The following SLC4A10 variants were observed in gnomAD, a reference collection of about 807,000 sequenced individuals.
The protein encoded by SLC4A10 is solute carrier family 4 member 10, also known as sodium-driven chloride bicarbonate exchanger.
SLC4A10 carries 42 observed loss-of-function variants against 137.7 expected under a neutral mutation model. The observed-to-expected ratio is 0.30, with a 90% CI of 0.24 to 0.39. The LOEUF (loss-of-function observed/expected upper bound fraction) is 0.39, where lower values mean the gene tolerates loss of function less well. Among genes scored for constraint, SLC4A10 ranks in the 10% least tolerant of loss-of-function variants. SLC4A10 has a pLI of 1.00. For synonymous variants in SLC4A10, 474 were observed against 464.1 expected (o/e 1.02, Z -0.27); for missense variants, 925 against 1,355.0 (o/e 0.68, Z 4.98).
chr2:161,871,854 A>G (rs2061147910), intron 6 of SLC4A10, among the ~76,000 whole-genome samples: 1 of 152,112 alleles, frequency 6.6e-6, no homozygotes, highest in South Asian at 2.1e-4. Flanking sequence ...CTAAAAATAT[A>G]CTGTGTAATT....
intron 1 of SLC4A10, among the ~76,000 whole-genome samples, chr2:161,652,436 C>T (rs527953832): frequency 3.3e-5 from 5 of 152,302 alleles, no homozygotes; most frequent in Non-Finnish European, 5.9e-5. Flanking sequence ...TACACACACA[C>T]ACACATATGT....
intron 1 of SLC4A10, among the ~76,000 whole-genome samples, chr2:161,647,599 G>T (rs1047601145): frequency 1.3e-4 from 20 of 152,052 alleles, no homozygotes; most frequent in African/African-American, 4.6e-4. Context: ...AGAAAAAGAT[G>T]GAAGCACAAC....
chr2:161,673,732 G>A (rs1156365452), intron 1 of SLC4A10, among the ~76,000 whole-genome samples: 2 of 152,182 alleles, frequency 1.3e-5, no homozygotes, highest in Non-Finnish European at 2.9e-5. Context: ...GCTTTCACTT[G>A]TAGTTCCAGC....
At chr2:161,719,664 A>AT (rs1188330232) in intron 1 of SLC4A10, among the ~76,000 whole-genome samples, 1 of 152,106 alleles carries the variant, frequency 6.6e-6, no homozygotes. Context: ...GATGATGAGC[A>AT]TTTTTTTATG....
At chr2:161,625,066 CGTGTGTGTGTGTGT>C (rs5835872) in intron 1 of SLC4A10, among the ~76,000 whole-genome samples, 1,553 of 144,262 alleles carry the variant, frequency 0.011, 38 homozygotes, top group African/African-American at 0.034. Context: ...ACAGAAGGAT[CGTGTGTGTGTGTGT>C]GTGTGTGTGT....
chr2:161,809,149 A>G (rs2056304586), intron 3 of SLC4A10, among the ~76,000 whole-genome samples: 1 of 151,724 alleles, frequency 6.6e-6, no homozygotes, highest in Admixed American at 6.6e-5. Flanking sequence ...TTTGACTTGC[A>G]TTTCATTTGT....
rs752528225 is a variant in SLC4A10, at chr2:161,862,901, C to T, written c.605C>T (p.Ser202Leu). 6.2e-7 allele frequency: 1 copy of T among 1,608,476 alleles called. No individual in the cohort carries two copies. The highest frequency in any genetic ancestry group is 8.5e-7 in the Non-Finnish European group (1 of 1,177,074). Residue 202 changes from serine (S) to leucine (L), a missense_variant, in exon 6 of 27, where the codon TCA (serine) becomes TTA (leucine). By Grantham distance (145) the Ser-to-Leu change is moderately radical (BLOSUM62 -2). Coordinates refer to ENST00000446997, the MANE Select transcript of SLC4A10 (RefSeq NM_001178015.2). ...ATGGTTCTTGACCAACAAGTGAGCTCAGGTCAGCTGAATGAAGATGTACGC... is the reference window on the plus strand; with the variant it reads ...ATGGTTCTTGACCAACAAGTGAGCTTAGGTCAGCTGAATGAAGATGTACGC... ...ADMVLDQQVSSGQLNEDVRHR... is the reference protein window; with the variant it reads ...ADMVLDQQVSLGQLNEDVRHR...
chr2:161,678,867 C>T (rs555925655), intron 1 of SLC4A10, among the ~76,000 whole-genome samples: 24 of 152,142 alleles, frequency 1.6e-4, no homozygotes, highest in Admixed American at 9.8e-4. Flanking sequence ...ATTTTACTAT[C>T]GAAGGACATT....
chr2:161,831,250 T>C (rs2058417897), intron 3 of SLC4A10, among the ~76,000 whole-genome samples: 1 of 152,202 alleles, frequency 6.6e-6, no homozygotes, highest in African/African-American at 2.4e-5. Context: ...TACTCTCAAT[T>C]ATGACTTAGT....
chr2:161,891,201 G>A (rs935561063), intron 10 of SLC4A10, among the ~76,000 whole-genome samples: 27 of 152,204 alleles, frequency 1.8e-4, no homozygotes, highest in African/African-American at 6.5e-4. Flanking sequence ...TAGGTAACCC[G>A]ACCTTTCTTT....
At chr2:161,692,389 G>T (rs1029618271) in intron 1 of SLC4A10, among the ~76,000 whole-genome samples, 1 of 152,032 alleles carries the variant, frequency 6.6e-6, no homozygotes, top group East Asian at 1.9e-4. Context: ...TTTATTGTGA[G>T]AATAATATTC....
chr2:161,637,054 TATGTATATATCTATATACATAAA>T (rs1418435213), intron 1 of SLC4A10, among the ~76,000 whole-genome samples: 70 of 141,240 alleles, frequency 5.0e-4, no homozygotes, highest in African/African-American at 1.7e-3. Context: ...TATAGATATA[TATGTATATATCTATATACATAAA>T]TACGTATATA....
At chr2:161,818,650 C>T (rs976285849) in intron 3 of SLC4A10, among the ~76,000 whole-genome samples, 9 of 152,104 alleles carry the variant, frequency 5.9e-5, no homozygotes, top group African/African-American at 2.2e-4. Flanking sequence ...GAGATACATC[C>T]CATCAATACC....
At chr2:161,706,790 G>T (rs1260702029) in intron 1 of SLC4A10, among the ~76,000 whole-genome samples, 1 of 151,570 alleles carries the variant, frequency 6.6e-6, no homozygotes, top group Non-Finnish European at 1.5e-5. Flanking sequence ...GACTAGATCA[G>T]AATCTTCTGT....
intron 1 of SLC4A10, among the ~76,000 whole-genome samples, chr2:161,757,890 A>G (rs2049842083): frequency 1.3e-5 from 2 of 152,096 alleles, no homozygotes. Context: ...ATTACATACA[A>G]ACTTAACCCA....
intron 1 of SLC4A10, among the ~76,000 whole-genome samples, chr2:161,766,166 A>C (rs1435886174): frequency 6.6e-6 from 1 of 152,122 alleles, no homozygotes; most frequent in Admixed American, 6.6e-5. Context: ...CTAGCTTCTC[A>C]TATTTTTCTT....
intron 5 of SLC4A10, among the ~76,000 whole-genome samples, chr2:161,856,397 A>ACACACACC (rs750648475): frequency 6.8e-6 from 1 of 147,892 alleles, no homozygotes; most frequent in African/African-American, 2.5e-5. Context: ...ACACACACAC[A>ACACACACC]CCACACTGCC....
At chr2:161,855,190 T>G in intron 5 of SLC4A10, 60 bp downstream of exon 5, 3 of 1,472,594 alleles carry the variant, frequency 2.0e-6, no homozygotes, top group Non-Finnish European at 2.7e-6. Flanking sequence ...TTACTCTCTT[T>G]TCCTTATAAT....
At chr2:161,748,975 A>G (rs1196797032) in intron 1 of SLC4A10, among the ~76,000 whole-genome samples, 1 of 151,900 alleles carries the variant, frequency 6.6e-6, no homozygotes, top group East Asian at 1.9e-4. Flanking sequence ...TATAGTTTTC[A>G]GTGTACAGAT....
Sources: allele counts gnomAD v4.1 joint callset (sites outside exome capture counted in the v4.1 genomes callset), GRCh38; gene constraint gnomAD v4.1.1; transcripts MANE v1.5; gene names NCBI Gene and HGNC (gene_info 2026-07-23, HGNC 2026-07-21).